CUBN: variants seen among roughly 807,000 people sequenced by gnomAD.
CUBN encodes cubilin, also known as 460 kDa receptor.
A neutral mutation model predicts 405.3 loss-of-function variants in CUBN; 282 were observed. The observed-to-expected ratio is 0.70, with a 90% CI of 0.63 to 0.77. CUBN has a LOEUF of 0.77. Among genes scored for constraint, CUBN ranks in the 30% least tolerant of loss-of-function variants. CUBN has a pLI of 0.00. For synonymous variants in CUBN, 1,684 were observed against 1,617.0 expected, an observed-to-expected ratio of 1.04 and a Z score of -0.99; for missense variants, 4,514 against 4,475.2, an observed-to-expected ratio of 1.01 and a Z score of -0.25.
intron 19 of CUBN, among the ~76,000 whole-genome samples, chr10:17,069,237 T>C (rs982420472): frequency 1.3e-5 from 2 of 152,220 alleles, no homozygotes; most frequent in Non-Finnish European, 1.5e-5. Flanking sequence ...AAATTAAAAA[T>C]AATGATTGCA....
chr10:17,114,600 C>T (rs1226911990), intron 7 of CUBN, among the ~76,000 whole-genome samples: 2 of 152,178 alleles, frequency 1.3e-5, no homozygotes, highest in African/African-American at 4.8e-5. Context: ...CCCTTCCATC[C>T]CCATCATTGG....
intron 27 of CUBN, among the ~76,000 whole-genome samples, chr10:17,020,990 G>A (rs1204388964): frequency 2.0e-5 from 3 of 152,230 alleles, no homozygotes; most frequent in African/African-American, 7.2e-5. Flanking sequence ...AGTTAACAGA[G>A]GTGTTTCTTT....
intron 59 of CUBN, 79 bp downstream of exon 59, chr10:16,869,557 T>TGGGGGGGGGGG (rs59702069): frequency 4.7e-5 from 30 of 631,984 alleles, no homozygotes; most frequent in African/African-American, 2.3e-4. Context: ...CAGGTGGGGG[T>TGGGGGGGGGGG]GGGGGGGGGG....
chr10:16,824,645 C>T lies in CUBN; in HGVS notation c.*330G>A, dbSNP rs181630914. 1.2e-3 allele frequency: 424 copies of T among 343,644 alleles called. 2 individuals carry two copies. Among genetic ancestry groups the T allele is most frequent in the African/African-American group, 7.6e-3 (353 of 46,592 alleles). The allele number at this position is 343,644 out of a possible 1,614,324, so 21.3% of individuals were successfully genotyped here. On this transcript the variant is annotated 3_prime_UTR_variant, in exon 67 of 67. Transcript: ENST00000377833. ...AAGCAATTCTCCTGCCTCAGCCTCTCGAGTGGCTGGAATTACAGGCACCCA... is the reference window on the plus strand; with the variant it reads ...AAGCAATTCTCCTGCCTCAGCCTCTTGAGTGGCTGGAATTACAGGCACCCA...
rs121434430 is a variant in CUBN, at chr10:17,041,160, G to A, written c.3890C>T (p.Pro1297Leu). 261 of 1,613,404 alleles carry A rather than the reference G, an allele frequency of 1.6e-4. No individual in the cohort carries two copies. Among genetic ancestry groups the A allele is most frequent in the Non-Finnish European group, 4.2e-5 (49 of 1,179,652 alleles). The change falls in exon 27 of 67, where the codon CCG becomes CTG. Residue 1297 changes from proline to leucine, a missense_variant. Pro to Leu is a moderately conservative substitution (Grantham distance 98). Transcript: ENST00000377833. ...ATGCTGATTTTCAGAATAAGGATTCGGATACCCTATACTCTCTAAGATGCC... is the reference window on the plus strand; with the variant it reads ...ATGCTGATTTTCAGAATAAGGATTCAGATACCCTATACTCTCTAAGATGCC... Reference protein sequence around the residue: ...TYGILESIGYPNPYSENQHCN... With the variant: ...TYGILESIGYLNPYSENQHCN...
intron 13 of CUBN, 94 bp from the exon 14 acceptor site, chr10:17,100,333 C>T (rs930459532): frequency 1.3e-6 from 1 of 786,590 alleles, no homozygotes; most frequent in African/African-American, 1.7e-5. Context: ...TACTGAGGCA[C>T]TTTCAAGAGC....
intron 12 of CUBN, 146 bp from the exon 13 acceptor site, chr10:17,103,383 C>T: frequency 1.5e-6 from 1 of 671,170 alleles, no homozygotes; most frequent in Non-Finnish European, 2.7e-6. Flanking sequence ...CTCCTCTGTG[C>T]CCTTTTTCTG....
chr10:17,101,540 T>C (rs926955418), intron 13 of CUBN, among the ~76,000 whole-genome samples: 13 of 152,344 alleles, frequency 8.5e-5, no homozygotes, highest in African/African-American at 3.1e-4. Context: ...ATGCCCTCTG[T>C]AATAGTTTGC....
intron 29 of CUBN, among the ~76,000 whole-genome samples, chr10:16,986,697 G>A (rs1232834759): frequency 2.0e-5 from 3 of 152,132 alleles, no homozygotes; most frequent in African/African-American, 4.8e-5. Flanking sequence ...GCAGAAGCAA[G>A]CTTGCATGGT....
At chr10:17,021,881 T>G (rs1424862246) in intron 27 of CUBN, among the ~76,000 whole-genome samples, 1 of 152,172 alleles carries the variant, frequency 6.6e-6, no homozygotes, top group African/African-American at 2.4e-5. Context: ...CCCTACTGAT[T>G]GTGAGTCGCC....
intron 14 of CUBN, among the ~76,000 whole-genome samples, chr10:17,090,179 C>T (rs376666921): frequency 1.1e-4 from 16 of 152,066 alleles, no homozygotes; most frequent in African/African-American, 3.9e-4. Flanking sequence ...GAAAATGAGA[C>T]ATCACATAGC....
intron 32 of CUBN, 94 bp downstream of exon 32, chr10:16,954,295 G>A (rs943902754): frequency 7.2e-7 from 1 of 1,396,504 alleles, no homozygotes; most frequent in African/African-American, 1.4e-5. Context: ...AGAAGGCTGT[G>A]ATCAATTTCT....
Position 16,872,349 on chromosome 10 carries a change from C to CATATATATATATATATATAT in CUBN, c.9236+2024_9236+2025insATATATATATATATATATAT, listed in dbSNP as rs138781700. Among the ~76,000 whole-genome samples, 564 of 148,904 alleles carry CATATATATATATATATATAT rather than the reference C, an allele frequency of 3.8e-3. 5 individuals are homozygous for CATATATATATATATATATAT. The highest frequency in any genetic ancestry group is 0.014 in the African/African-American group (535 of 39,494). ...AAAATACATTTAGATTGTATACATA[C>CATATATATATATATATATAT]ATATATATATAGATAGATAGACAGA... is the stretch of plus-strand genomic sequence containing the variant. On this transcript the variant is annotated intron_variant, in intron 58 of 66. Coordinates refer to ENST00000377833, the MANE Select transcript of CUBN (RefSeq NM_001081.4).
chr10:16,885,032 G>A (rs992107497), intron 56 of CUBN, among the ~76,000 whole-genome samples: 11 of 152,086 alleles, frequency 7.2e-5, no homozygotes, highest in African/African-American at 2.4e-4. Context: ...AGCAATCCTC[G>A]GTTTCATCCC....
chr10:16,956,123 T>C (rs1317545836), intron 31 of CUBN, among the ~76,000 whole-genome samples: 1 of 152,230 alleles, frequency 6.6e-6, no homozygotes, highest in Admixed American at 6.5e-5. Flanking sequence ...CACACAGGTA[T>C]GATTCTGCAT....
At chr10:17,078,927 A>T (rs1176322168) in intron 17 of CUBN, among the ~76,000 whole-genome samples, 1 of 152,180 alleles carries the variant, frequency 6.6e-6, no homozygotes, top group East Asian at 1.9e-4. Flanking sequence ...ACGCATGTTC[A>T]ATGGGTTTGC....
At position 16,916,074 on chromosome 10, in the gene CUBN, G is replaced by A. The variant is rs1248321345; in HGVS notation, c.7001-44C>T. On this transcript the variant is annotated intron_variant, in intron 45 of 66. Transcript: ENST00000377833. ...AATAAATAAATAAGAAAGCAAGCAAGCAAGAAAGATTGATTCTATTACAAA... is the reference window on the plus strand; with the variant it reads ...AATAAATAAATAAGAAAGCAAGCAAACAAGAAAGATTGATTCTATTACAAA... The A allele has an allele frequency of 1.9e-6, 3 of 1,580,334 alleles. No individual in the cohort carries two copies. The East Asian group carries it at 6.8e-5, about 36-fold the overall frequency.
intron 28 of CUBN, among the ~76,000 whole-genome samples, chr10:17,007,351 G>A (rs1269614252): frequency 1.3e-5 from 2 of 152,148 alleles, no homozygotes; most frequent in African/African-American, 2.4e-5. Context: ...GCCCTGCAAT[G>A]TTACTTTGTC....
chr10:17,036,308 A>C (rs1834898162), intron 27 of CUBN, among the ~76,000 whole-genome samples: 1 of 152,150 alleles, frequency 6.6e-6, no homozygotes. Flanking sequence ...GTTGAAGCTA[A>C]AATTCCGAGG....
Sources: allele counts gnomAD v4.1 joint callset (sites outside exome capture counted in the v4.1 genomes callset), GRCh38; gene constraint gnomAD v4.1.1; transcripts MANE v1.5; gene names NCBI Gene and HGNC (gene_info 2026-07-23, HGNC 2026-07-21).